Variants in SPAG16 observed in about 807,000 individuals in gnomAD.
SPAG16 encodes sperm associated antigen 16.
SPAG16 carries 86 observed loss-of-function variants against 80.4 expected under a neutral mutation model. The observed-to-expected ratio is 1.07, with a 90% CI of 0.90 to 1.28. The LOEUF (loss-of-function observed/expected upper bound fraction) is 1.28, where lower values mean the gene tolerates loss of function less well. Among genes scored for constraint, SPAG16 ranks in the 50% most tolerant of loss-of-function variants. The probability of loss-of-function intolerance (pLI) is 0.00; values close to 1 mark genes in which losing one functional copy is unlikely to be tolerated. For synonymous variants in SPAG16, 294 were observed against 265.9 expected (o/e 1.11, Z -1.03); for missense variants, 870 against 765.3 (o/e 1.14, Z -1.61).
intron 12 of SPAG16, among the ~76,000 whole-genome samples, chr2:213,934,932 G>T (rs897759272): frequency 2.6e-5 from 4 of 152,154 alleles, no homozygotes; most frequent in African/African-American, 9.7e-5. Context: ...GCCTGGTGCG[G>T]TGGCTCATGC....
intron 10 of SPAG16, among the ~76,000 whole-genome samples, chr2:213,585,946 T>G (rs371327710): frequency 2.6e-5 from 4 of 152,154 alleles, no homozygotes; most frequent in African/African-American, 9.7e-5. Flanking sequence ...TCTTTTTTTT[T>G]CCAAATGAAA....
chr2:213,715,262 A>ATCTC (rs1172617590), intron 10 of SPAG16, among the ~76,000 whole-genome samples: 1 of 151,164 alleles, frequency 6.6e-6, no homozygotes, highest in Non-Finnish European at 1.5e-5. Context: ...CTATCTATCT[A>ATCTC]TCTATCCATT....
At chr2:213,308,942 C>G (rs1471777927) in intron 3 of SPAG16, among the ~76,000 whole-genome samples, 23 of 152,122 alleles carry the variant, frequency 1.5e-4, no homozygotes, top group Non-Finnish European at 1.5e-5. Context: ...ACACTAAGAT[C>G]TCTTGGGGCT....
intron 12 of SPAG16, among the ~76,000 whole-genome samples, chr2:213,948,449 A>T (rs1278535988): frequency 1.3e-5 from 2 of 152,170 alleles, no homozygotes; most frequent in East Asian, 3.9e-4. Context: ...ATTCTTTTTA[A>T]AAATTCTCTC....
intron 14 of SPAG16, among the ~76,000 whole-genome samples, chr2:214,112,051 A>G (rs2053691249): frequency 6.6e-6 from 1 of 152,178 alleles, no homozygotes; most frequent in African/African-American, 2.4e-5. Context: ...TTCTAAATAT[A>G]CAATCATGTC....
intron 8 of SPAG16, among the ~76,000 whole-genome samples, chr2:213,366,553 C>T (rs2066300887): frequency 6.6e-6 from 1 of 152,112 alleles, no homozygotes; most frequent in Admixed American, 6.5e-5. Flanking sequence ...AGAGGAACTG[C>T]CCTTTATAAA....
At chr2:214,255,207 C>G (rs1690592727) in intron 15 of SPAG16, among the ~76,000 whole-genome samples, 1 of 151,986 alleles carries the variant, frequency 6.6e-6, no homozygotes, top group Non-Finnish European at 1.5e-5. Flanking sequence ...CTTTGTCTTG[C>G]TAGTGTACCC....
intron 10 of SPAG16, among the ~76,000 whole-genome samples, chr2:213,742,023 A>G (rs561705858): frequency 2.6e-5 from 4 of 151,504 alleles, no homozygotes; most frequent in African/African-American, 9.7e-5. Context: ...TTTTTAATCT[A>G]GTTCTCATTT....
At chr2:213,347,233 C>A (rs1355079769) in intron 6 of SPAG16, among the ~76,000 whole-genome samples, 1 of 151,910 alleles carries the variant, frequency 6.6e-6, no homozygotes, top group African/African-American at 2.4e-5. Flanking sequence ...GTGGTGATAT[C>A]CCCTTTATCA....
At chr2:213,955,053 CT>C (rs981633183) in intron 12 of SPAG16, among the ~76,000 whole-genome samples, 6 of 151,856 alleles carry the variant, frequency 4.0e-5, no homozygotes, top group East Asian at 3.9e-4. Context: ...TCTTTTATTT[CT>C]TTTTTTATTA....
intron 13 of SPAG16, among the ~76,000 whole-genome samples, chr2:214,078,175 G>A (rs2051179138): frequency 6.6e-6 from 1 of 152,126 alleles, no homozygotes; most frequent in Non-Finnish European, 1.5e-5. Context: ...GCACAGGGGA[G>A]CTTGTTTCCA....
chr2:214,258,508 T>C (rs1466086225), intron 15 of SPAG16, among the ~76,000 whole-genome samples: 1 of 148,540 alleles, frequency 6.7e-6, no homozygotes, highest in Non-Finnish European at 1.5e-5. Flanking sequence ...CACATATATG[T>C]ACATATATAT....
At chr2:213,496,765 A>G (rs1274089598) in intron 10 of SPAG16, among the ~76,000 whole-genome samples, 2 of 150,914 alleles carry the variant, frequency 1.3e-5, no homozygotes, top group East Asian at 3.9e-4. Flanking sequence ...TATATAAACT[A>G]TATTAATTAA....
At chr2:213,938,446 T>A (rs2106278420) in intron 12 of SPAG16, among the ~76,000 whole-genome samples, 1 of 152,130 alleles carries the variant, frequency 6.6e-6, no homozygotes, top group Admixed American at 6.5e-5. Context: ...ATTGATGAAG[T>A]GAGTTTATTC....
intron 13 of SPAG16, among the ~76,000 whole-genome samples, chr2:214,014,784 G>C (rs187343601): frequency 2.0e-5 from 3 of 152,308 alleles, no homozygotes; most frequent in Non-Finnish European, 2.9e-5. Context: ...GAGAATTAAA[G>C]AGCATTAAGC....
At chr2:214,324,959 C>T (rs936197433) in intron 15 of SPAG16, among the ~76,000 whole-genome samples, 9 of 152,196 alleles carry the variant, frequency 5.9e-5, no homozygotes, top group African/African-American at 2.2e-4. Flanking sequence ...AAATGACCAT[C>T]TGCTACCATT....
chr2:213,730,895 A>C lies in SPAG16; in HGVS notation c.1071-131590A>C, dbSNP rs141074123. Among the ~76,000 whole-genome samples the C allele has an allele frequency of 2.0e-3, 309 of 152,258 alleles. 2 individuals carry two copies. The highest frequency in any genetic ancestry group is 6.8e-3 in the African/African-American group (284 of 41,562). ...TGTTACTTTGCACTTCGGGTTGGGA[A>C]GTTTCTAATGACCAATTTTTAGGCT... On this transcript the variant is annotated intron_variant, in intron 10 of 15. Transcript: ENST00000331683.
intron 10 of SPAG16, among the ~76,000 whole-genome samples, chr2:213,689,240 G>A (rs1263738617): frequency 6.6e-6 from 1 of 152,222 alleles, no homozygotes; most frequent in Non-Finnish European, 1.5e-5. Flanking sequence ...TTACAGGCAT[G>A]AGCCACTGCT....
intron 13 of SPAG16, among the ~76,000 whole-genome samples, chr2:214,086,042 A>G (rs2051719963): frequency 6.6e-6 from 1 of 152,166 alleles, no homozygotes; most frequent in African/African-American, 2.4e-5. Flanking sequence ...TACTCCGAAC[A>G]TATGTGATTG....
Sources: gnomAD v4.1 joint callset for allele counts (sites outside exome capture counted in the v4.1 genomes callset) on GRCh38, gnomAD v4.1.1 for gene constraint, MANE v1.5 for transcripts, NCBI Gene and HGNC (gene_info 2026-07-23, HGNC 2026-07-21) for gene names.